UGGT2: variants seen among roughly 807,000 people sequenced by gnomAD.
UGGT2 encodes the protein UDP-glucose glycoprotein glucosyltransferase 2.
Under a neutral mutation model 192.1 loss-of-function variants are expected in UGGT2, and 180 were observed. That is an observed-to-expected ratio of 0.94 (90% CI 0.83 to 1.06). The LOEUF (loss-of-function observed/expected upper bound fraction) is 1.06, where lower values mean the gene tolerates loss of function less well. Ranked by LOEUF, UGGT2 falls within the 50% of genes least tolerant of loss-of-function variation. The probability of loss-of-function intolerance (pLI) is 0.00; values close to 1 mark genes in which losing one functional copy is unlikely to be tolerated. For missense variants in UGGT2, 1,849 were observed against 1,795.7 expected (o/e 1.03, Z -0.54); for synonymous variants, 580 against 591.0 (o/e 0.98, Z 0.27).
intron 13 of UGGT2, among the ~76,000 whole-genome samples, chr13:95,949,064 TC>T (rs2049974045): frequency 1.3e-5 from 2 of 152,112 alleles, no homozygotes; most frequent in Admixed American, 1.3e-4. Context: ...TCCTGAGGCC[TC>T]CCCAGCCATG....
At chr13:95,887,803 G>GA in intron 26 of UGGT2, 89 bp downstream of exon 26, 1 of 790,542 alleles carries the variant, frequency 1.3e-6, no homozygotes, top group Non-Finnish European at 2.1e-6. Context: ...GTGAAGAAAA[G>GA]AAAAAACCAG....
At position 95,937,033 on chromosome 13, in the gene UGGT2, TA is replaced by T. The variant is rs1207642712; in HGVS notation, c.1867del (p.Tyr623IlefsTer11). The T allele has an allele frequency of 3.1e-6, 5 of 1,604,928 alleles. No individual in the cohort carries two copies. Among genetic ancestry groups the T allele is most frequent in the Non-Finnish European group, 4.2e-6 (5 of 1,178,186 alleles). ...TTCATGTTTAAAGGGTTCACCATTA[TA>T]AAGAGCTTGAGGCAAAGGACCCAGG... The part of the protein sequence containing the change: ...TGLGPLPQAL[Y>X]NGEPFKHEEM... On this transcript the variant is annotated frameshift_variant, in exon 17 of 39. Transcript: ENST00000376747. LOFTEE classifies it high-confidence loss of function.
At chr13:95,827,846 T>C (rs1028541926) in intron 38 of UGGT2, among the ~76,000 whole-genome samples, 2 of 152,110 alleles carry the variant, frequency 1.3e-5, no homozygotes, top group Non-Finnish European at 2.9e-5. Context: ...ATCATAAGGC[T>C]TTTAAGAATT....
At chr13:95,989,153 C>T (rs1345757638) in intron 8 of UGGT2, among the ~76,000 whole-genome samples, 1 of 151,646 alleles carries the variant, frequency 6.6e-6, no homozygotes, top group East Asian at 1.9e-4. Context: ...TAAAAATATG[C>T]TAAAAACTAT....
chr13:95,842,770 A>C (rs929024252), intron 36 of UGGT2, among the ~76,000 whole-genome samples: 3 of 152,236 alleles, frequency 2.0e-5, no homozygotes, highest in African/African-American at 7.2e-5. Context: ...CACATCCAGC[A>C]AGGAAATTAG....
chr13:95,943,181 CT>C (rs1341036842), intron 15 of UGGT2, among the ~76,000 whole-genome samples: 4 of 152,076 alleles, frequency 2.6e-5, no homozygotes, highest in African/African-American at 9.7e-5. Flanking sequence ...CATTTTGAGT[CT>C]TCATTCTTCC....
chr13:95,988,228 T>A (rs956920752), intron 8 of UGGT2, among the ~76,000 whole-genome samples: 2 of 152,146 alleles, frequency 1.3e-5, no homozygotes, highest in Non-Finnish European at 2.9e-5. Context: ...GTCCCTTTAT[T>A]AAACTTTTTA....
intron 20 of UGGT2, among the ~76,000 whole-genome samples, chr13:95,916,644 G>A (rs919735231): frequency 1.3e-5 from 2 of 152,104 alleles, no homozygotes; most frequent in East Asian, 1.9e-4. Context: ...GCAAAGAAAC[G>A]AAGCACTATG....
At chr13:95,991,458 T>C (rs758771624) in intron 7 of UGGT2, 10 of 454,714 alleles carry the variant, frequency 2.2e-5, no homozygotes, top group South Asian at 9.3e-5. Context: ...GTATTTTCAA[T>C]AGTCAATAGA....
chr13:95,873,575 C>G (rs573193237), intron 29 of UGGT2, among the ~76,000 whole-genome samples: 6 of 152,314 alleles, frequency 3.9e-5, no homozygotes, highest in Admixed American at 3.9e-4. Flanking sequence ...CTTATATATA[C>G]TGCTAGTTGC....
At chr13:95,805,762 G>C (rs757378580) in intron 38 of UGGT2, among the ~76,000 whole-genome samples, 1 of 152,074 alleles carries the variant, frequency 6.6e-6, no homozygotes, top group Admixed American at 6.6e-5. Flanking sequence ...TGTTTGCCAG[G>C]GGCAGGGAGA....
At chr13:95,954,680 T>G (rs916841052) in intron 12 of UGGT2, among the ~76,000 whole-genome samples, 1 of 152,198 alleles carries the variant, frequency 6.6e-6, no homozygotes, top group African/African-American at 2.4e-5. Flanking sequence ...CCAGATTTCC[T>G]GCCTTTCCAG....
intron 19 of UGGT2, among the ~76,000 whole-genome samples, 194 bp downstream of exon 19, chr13:95,926,834 A>T (rs2049029269): frequency 6.6e-6 from 1 of 152,226 alleles, no homozygotes; most frequent in Admixed American, 6.5e-5. Context: ...CAAAAATAAG[A>T]TAAACAAAGT....
chr13:95,841,154 C>T (rs578164727), intron 36 of UGGT2, among the ~76,000 whole-genome samples: 3 of 152,284 alleles, frequency 2.0e-5, no homozygotes, highest in South Asian at 4.1e-4. Flanking sequence ...CACCATGGCA[C>T]ATGTATACCT....
At chr13:95,863,592 A>T (rs768280009) in intron 31 of UGGT2, 37 bp downstream of exon 31, 4 of 1,521,348 alleles carry the variant, frequency 2.6e-6, no homozygotes. Context: ...CTTCTGGATC[A>T]ATCTAGTGAT....
At chr13:96,042,867 T>C (rs1416440390) in intron 1 of UGGT2, among the ~76,000 whole-genome samples, 1 of 151,950 alleles carries the variant, frequency 6.6e-6, no homozygotes, top group Admixed American at 6.6e-5. Flanking sequence ...TGGGATTATG[T>C]TAAATGACCA....
Position 95,877,313 on chromosome 13 carries a change from G to T in UGGT2, c.3439C>A (p.Gln1147Lys). The change falls in exon 29 of 39, where the codon CAA (glutamine) becomes AAA (lysine). Residue 1147 changes from glutamine to lysine, a missense_variant. Physicochemically the swap from Gln to Lys is moderately conservative, Grantham distance 53 (BLOSUM62 1). Coordinates refer to ENST00000376747, the MANE Select transcript of UGGT2 (RefSeq NM_020121.4). ...TGATAAATATCTTCAGATTTTCCTTGGTGTAACCTCAGTATCCAAGCACCT... is the reference window on the plus strand; with the variant it reads ...TGATAAATATCTTCAGATTTTCCTTTGTGTAACCTCAGTATCCAAGCACCT... ...NPGAWILRLH[Q>K]GKSEDIYQIV... The T allele has an allele frequency of 6.2e-7, 1 of 1,602,444 alleles. No homozygotes were observed. Among genetic ancestry groups the T allele is most frequent in the South Asian group, 1.1e-5 (1 of 87,544 alleles).
chr13:95,967,042 A>G (rs1324255738), intron 12 of UGGT2, among the ~76,000 whole-genome samples: 7 of 152,274 alleles, frequency 4.6e-5, no homozygotes, highest in Admixed American at 6.5e-5. Flanking sequence ...AGTGATAATC[A>G]TATCTTTGGC....
chr13:95,815,545 G>C (rs1030285532), intron 38 of UGGT2, among the ~76,000 whole-genome samples: 2 of 152,128 alleles, frequency 1.3e-5, no homozygotes, highest in African/African-American at 4.8e-5. Flanking sequence ...ACTCTGCTAG[G>C]AGTAATTAAA....
Sources: gnomAD v4.1 joint callset for allele counts (sites outside exome capture counted in the v4.1 genomes callset) on GRCh38, gnomAD v4.1.1 for gene constraint, MANE v1.5 for transcripts, NCBI Gene and HGNC (gene_info 2026-07-23, HGNC 2026-07-21) for gene names.